Variants in APOBEC3H observed in about 807,000 individuals in gnomAD.
The protein encoded by APOBEC3H is DNA dC->dU-editing enzyme APOBEC-3H.
In APOBEC3H, 8 loss-of-function variants were observed where a neutral mutation model predicts 21.2. That is an observed-to-expected ratio of 0.38 (90% CI 0.22 to 0.68). APOBEC3H has a LOEUF of 0.68. APOBEC3H is among the 30% of genes least tolerant of loss of function. The probability of loss-of-function intolerance (pLI) is 0.52; values close to 1 mark genes in which losing one functional copy is unlikely to be tolerated. For synonymous variants in APOBEC3H, 88 were observed against 91.0 expected, an observed-to-expected ratio of 0.97 and a Z score of 0.19; for missense variants, 229 against 228.1, an observed-to-expected ratio of 1.00 and a Z score of -0.03.
Position 39,101,375 on chromosome 22 carries a change from A to G in APOBEC3H, c.289A>G (p.Lys97Glu). 1 of 1,612,032 alleles carries G rather than the reference A, an allele frequency of 6.2e-7. No individual in the cohort carries two copies. Among genetic ancestry groups the G allele is most frequent in the Non-Finnish European group, 8.5e-7 (1 of 1,179,518 alleles). ...TGCCTGGGAGCTGGTTGACTTCATC[A>G]AGGCTCACGACCATCTGAACCTGGG... ...SCAWELVDFI[K>E]AHDHLNLGIF... is the part of the protein sequence containing the mutation. Residue 97 changes from lysine (K) to glutamate (E), a missense_variant, in exon 3 of 5, where the codon AAG (lysine) becomes GAG (glutamate). Transcript: ENST00000442487.
Position 39,103,989 on chromosome 22 carries a change from G to T in APOBEC3H, c.*292G>T. 2.0e-6 allele frequency: 1 copy of T among 499,338 alleles called. No homozygotes were observed. The highest frequency in any genetic ancestry group is 3.6e-6 in the Non-Finnish European group (1 of 278,388). 30.9% of individuals were successfully genotyped at this position (499,338 alleles called of 1,614,324 possible). A position where few individuals can be genotyped will look rare whatever the true frequency, so the allele number is the denominator to read the frequency against. ...AAGATAAAGTCTGTAAATCCAGCCG[G>T]GTACGGTGGCTCACGCCTGTAATCC... On this transcript the variant is annotated 3_prime_UTR_variant, in exon 5 of 5. Transcript: ENST00000442487.
In APOBEC3H at chr22:39,101,634, G is replaced by A. The variant is rs1182065255; in HGVS notation, c.418+130G>A. On this transcript the variant is annotated intron_variant, in intron 3 of 4. Coordinates refer to ENST00000442487, the MANE Select transcript of APOBEC3H (RefSeq NM_181773.5). ...CGGGGGCGGGTTGGAGGAGGTTGGC[G>A]GGGGGTGGGGGCGGGTTGGAGGAGG... 7 of 307,028 alleles carry A rather than the reference G, an allele frequency of 2.3e-5. 1 individual carries two copies. The Admixed American group carries it at 3.7e-4, about 16-fold the overall frequency. The allele number at this position is 307,028 out of a possible 1,614,324, so 19.0% of individuals were successfully genotyped here. A position where few individuals can be genotyped will look rare whatever the true frequency, so the allele number is the denominator to read the frequency against.
chr22:39,103,830 C>A lies in APOBEC3H; in HGVS notation c.*133C>A. On this transcript the variant is annotated 3_prime_UTR_variant, in exon 5 of 5. Coordinates refer to ENST00000442487, the MANE Select transcript of APOBEC3H (RefSeq NM_181773.5). ...CCTCATAGCCTGCTGGTCCTGTAAG[C>A]AAGCACTAAGCTCCACAGTGCCAGT... 2 of 1,176,834 alleles carry A rather than the reference C, an allele frequency of 1.7e-6. No individual in the cohort carries two copies. The highest frequency in any genetic ancestry group is 1.2e-5 in the South Asian group (1 of 81,964). The allele number at this position is 1,176,834 out of a possible 1,614,324, so 72.9% of individuals were successfully genotyped here.
rs539645913 is a variant in APOBEC3H at position 39,101,357 on chromosome 22, G to A, written c.271G>A (p.Glu91Lys). ...TWSPCSSCAWELVDFIKAHDH... is the reference protein window; with the variant it reads ...TWSPCSSCAWKLVDFIKAHDH... ...GAGCCCCTGCTCCTCCTGTGCCTGGGAGCTGGTTGACTTCATCAAGGCTCA... is the reference window on the plus strand; with the variant it reads ...GAGCCCCTGCTCCTCCTGTGCCTGGAAGCTGGTTGACTTCATCAAGGCTCA... Residue 91 changes from glutamate to lysine, a missense_variant, in exon 3 of 5, where the codon GAG (glutamate) becomes AAG (lysine). Coordinates refer to ENST00000442487, the MANE Select transcript of APOBEC3H (RefSeq NM_181773.5). The A allele has an allele frequency of 1.2e-6, 2 of 1,612,924 alleles. No individual in the cohort carries two copies. Among genetic ancestry groups the A allele is most frequent in the East Asian group, 4.5e-5 (2 of 44,728 alleles).
chr22:39,099,948 G>A (rs1195368954), intron 1 of APOBEC3H, among the ~76,000 whole-genome samples: 1 of 152,204 alleles, frequency 6.6e-6, no homozygotes, highest in Non-Finnish European at 1.5e-5. Context: ...CAAGGTGGGT[G>A]GATCACCTGA....
chr22:39,103,177 A>G (rs116255012), intron 4 of APOBEC3H, among the ~76,000 whole-genome samples: 2,110 of 151,060 alleles, frequency 0.014, 74 homozygotes, highest in African/African-American at 0.049. Context: ...GGTCCCAGCC[A>G]TTCGGGAGGG....
chr22:39,102,834 C>T (rs1346398455), intron 4 of APOBEC3H, among the ~76,000 whole-genome samples: 1 of 151,802 alleles, frequency 6.6e-6, no homozygotes, highest in African/African-American at 2.4e-5. Context: ...CCTGTTTCTG[C>T]ACCTATAATC....
In APOBEC3H at chr22:39,101,137, C is replaced by A. The variant is rs370157569; in HGVS notation, c.151-100C>A. ...AAAGTTCACCGGACAGACCCCTCTG[C>A]CCCCCCATCCCCGCCCCCGTCCCGG... On this transcript the variant is annotated intron_variant, in intron 2 of 4. Coordinates refer to ENST00000442487, the MANE Select transcript of APOBEC3H (RefSeq NM_181773.5). The A allele has an allele frequency of 1.8e-3, 548 of 309,032 alleles. 13 individuals are homozygous for A. In the East Asian group the frequency reaches 0.042, roughly 23 times the overall value. 19.1% of individuals were successfully genotyped at this position (309,032 alleles called of 1,614,324 possible).
In APOBEC3H at chr22:39,103,923, T is replaced by C; in HGVS notation, c.*226T>C. ...CTTTCCTCCTTTTTCCATATTGCTT[T>C]CTGTTCTAAGTGGGTGAATAATTTT... On this transcript the variant is annotated 3_prime_UTR_variant, in exon 5 of 5. Coordinates refer to ENST00000442487, the MANE Select transcript of APOBEC3H (RefSeq NM_181773.5). 3.4e-6 allele frequency: 2 copies of C among 589,880 alleles called. No homozygotes were observed. Among genetic ancestry groups the C allele is most frequent in the Non-Finnish European group, 6.1e-6 (2 of 329,942 alleles). 36.5% of individuals were successfully genotyped at this position (589,880 alleles called of 1,614,324 possible).
intron 2 of APOBEC3H, 61 bp from the exon 3 acceptor site, chr22:39,101,176 T>A (rs9611092): frequency 0.49 from 373,687 of 759,450 alleles, 64,217 homozygotes; most frequent in South Asian, 0.58. Flanking sequence ...CCGCCCCCAG[T>A]CACATGACTC....
intron 4 of APOBEC3H, chr22:39,102,701 C>A: frequency 7.3e-6 from 4 of 551,366 alleles, no homozygotes; most frequent in Non-Finnish European, 1.0e-5. Context: ...TACCTCTCAC[C>A]ATATACAAAA....
At chr22:39,100,489 G>A in intron 2 of APOBEC3H, 61 bp downstream of exon 2, 1 of 1,552,254 alleles carries the variant, frequency 6.4e-7, no homozygotes, top group East Asian at 2.3e-5. Flanking sequence ...GATGTGTGCA[G>A]AAAATACATG....
At chr22:39,097,590 A>G (rs1454525262) in intron 1 of APOBEC3H, among the ~76,000 whole-genome samples, 1 of 152,028 alleles carries the variant, frequency 6.6e-6, no homozygotes, top group Non-Finnish European at 1.5e-5. Flanking sequence ...ACTCTCCCCT[A>G]AGAGTCATGG....
intron 4 of APOBEC3H, 94 bp downstream of exon 4, chr22:39,102,136 C>T (rs1929403873): frequency 6.7e-7 from 1 of 1,490,254 alleles, no homozygotes; most frequent in East Asian, 2.3e-5. Flanking sequence ...CTTACCCCTA[C>T]CTTTTTTTCT....
rs569959243 is a variant in APOBEC3H at position 39,097,502 on chromosome 22, C to T, written c.-8+159C>T. Among the ~76,000 whole-genome samples, 20 of 152,244 alleles carry T rather than the reference C, an allele frequency of 1.3e-4. 1 individual carries two copies. The highest frequency in any genetic ancestry group is 4.3e-4 in the African/African-American group (18 of 41,556). ...CCCCACTCCCACCCAGGCTCTTTGCCCTGCTGTGTGGTCACCCCACTGCTG... is the reference window on the plus strand; with the variant it reads ...CCCCACTCCCACCCAGGCTCTTTGCTCTGCTGTGTGGTCACCCCACTGCTG... On this transcript the variant is annotated intron_variant, in intron 1 of 4. Transcript: ENST00000442487.
chr22:39,103,842 T>C lies in APOBEC3H; in HGVS notation c.*145T>C. On this transcript the variant is annotated 3_prime_UTR_variant, in exon 5 of 5. Coordinates refer to ENST00000442487, the MANE Select transcript of APOBEC3H (RefSeq NM_181773.5). ...CTGGTCCTGTAAGCAAGCACTAAGC[T>C]CCACAGTGCCAGTTCCTTGCCCCAA... 1 of 1,041,112 alleles carries C rather than the reference T, an allele frequency of 9.6e-7. No homozygotes were observed. 64.5% of individuals were successfully genotyped at this position (1,041,112 alleles called of 1,614,324 possible).
chr22:39,097,891 A>C (rs1480578615), intron 1 of APOBEC3H, among the ~76,000 whole-genome samples: 1 of 152,074 alleles, frequency 6.6e-6, no homozygotes, highest in Non-Finnish European at 1.5e-5. Flanking sequence ...CTCCTCCTCC[A>C]TGATCAGTAT....
intron 4 of APOBEC3H, among the ~76,000 whole-genome samples, chr22:39,102,962 CAAAAAAAAAA>C (rs58524849): frequency 0.38 from 36,172 of 94,036 alleles, 6,059 homozygotes; most frequent in South Asian, 0.54. Flanking sequence ...GACTCTGTCC[CAAAAAAAAAA>C]AAAAAAAAAA....
At chr22:39,102,270 T>C (rs1307105058) in intron 4 of APOBEC3H, among the ~76,000 whole-genome samples, 1 of 152,038 alleles carries the variant, frequency 6.6e-6, no homozygotes, top group South Asian at 2.1e-4. Flanking sequence ...TGCCTCAGCC[T>C]CCCGAGTAGC....
Sources: gnomAD v4.1 joint callset for allele counts (sites outside exome capture counted in the v4.1 genomes callset) on GRCh38, gnomAD v4.1.1 for gene constraint, MANE v1.5 for transcripts, NCBI Gene and HGNC (gene_info 2026-07-23, HGNC 2026-07-21) for gene names.